Variants in SRP19 observed in about 807,000 individuals in gnomAD.
SRP19 encodes the protein signal recognition particle 19, also known as signal recognition particle 19 kDa protein.
In SRP19, 11 loss-of-function variants were observed where a neutral mutation model predicts 22.4. The observed-to-expected ratio is 0.49, with a 90% CI of 0.31 to 0.81. The LOEUF (loss-of-function observed/expected upper bound fraction) is 0.81. SRP19 is among the 40% of genes least tolerant of loss of function. The pLI is 0.05. For missense variants in SRP19, 168 were observed against 175.9 expected, an observed-to-expected ratio of 0.96 and a Z score of 0.25; for synonymous variants, 61 against 57.6, an observed-to-expected ratio of 1.06 and a Z score of -0.27.
downstream of SRP19, chr5:112,894,036 G>A (rs1326024779): frequency 6.6e-6 from 1 of 151,936 alleles, no homozygotes; most frequent in East Asian, 1.9e-4. Context: ...CATAGTGCCA[G>A]TTAATTACAG....
downstream of SRP19, among the ~76,000 whole-genome samples, chr5:112,874,204 A>G (rs1285401477): frequency 6.6e-6 from 1 of 151,790 alleles, no homozygotes; most frequent in African/African-American, 2.4e-5. Flanking sequence ...GTGGCAGGAT[A>G]TGGTGGCTCA....
downstream of SRP19, among the ~76,000 whole-genome samples, chr5:112,870,347 T>G (rs773393362): frequency 6.6e-6 from 1 of 152,094 alleles, no homozygotes; most frequent in Non-Finnish European, 1.5e-5. Context: ...CTGGGCATGG[T>G]GGCACATGCC....
chr5:112,876,559 A>ATAAC (rs1432539065), intron 4 of SRP19: 1 of 152,214 alleles, frequency 6.6e-6, no homozygotes, highest in Non-Finnish European at 1.5e-5. Flanking sequence ...AGGTAAGGGA[A>ATAAC]TAACTGCTGC....
chr5:112,877,312 A>T (rs959664439), intron 4 of SRP19: 1 of 152,136 alleles, frequency 6.6e-6, no homozygotes, highest in Non-Finnish European at 1.5e-5. Context: ...TATTTGCCTT[A>T]AAAAATACTG....
At chr5:112,891,659 T>C (rs750067915) in exon 5 of SRP19, 6 of 1,611,342 alleles carry the variant, frequency 3.7e-6, no homozygotes, top group South Asian at 1.1e-5. Flanking sequence ...CTTGAGAAGA[T>C]GACGTTTCCC....
chr5:112,891,491 T>A (rs991463126), intron 4 of SRP19: 5 of 1,061,146 alleles, frequency 4.7e-6, no homozygotes, highest in Non-Finnish European at 6.7e-6. Flanking sequence ...TGAAAGTAAT[T>A]TGTAATATAT....
intron 4 of SRP19, chr5:112,878,226 G>C (rs1335205582): frequency 6.5e-6 from 1 of 152,812 alleles, no homozygotes; most frequent in Non-Finnish European, 1.5e-5. Context: ...GGTTCCTCCA[G>C]CTTTTGGCAG....
intron 4 of SRP19, among the ~76,000 whole-genome samples, chr5:112,879,746 G>C (rs1327781175): frequency 6.6e-6 from 1 of 151,960 alleles, no homozygotes; most frequent in African/African-American, 2.4e-5. Flanking sequence ...AAAGTGCTGG[G>C]ATTACAGACG....
At chr5:112,861,483 C>T (rs1445650897) in intron 1 of SRP19, 66 bp downstream of exon 1, 2 of 1,534,634 alleles carry the variant, frequency 1.3e-6, no homozygotes, top group Admixed American at 3.8e-5. Flanking sequence ...GGTGCTACAC[C>T]GCGCTTCTCC....
At chr5:112,883,266 T>C (rs966865820) in intron 4 of SRP19, among the ~76,000 whole-genome samples, 1 of 152,230 alleles carries the variant, frequency 6.6e-6, no homozygotes, top group Non-Finnish European at 1.5e-5. Flanking sequence ...CTCAAATCCA[T>C]TGCAATCAGG....
At chr5:112,892,199 G>T in exon 5 of SRP19, 1 of 1,614,206 alleles carries the variant, frequency 6.2e-7, no homozygotes. Flanking sequence ...GGAGCTTGCA[G>T]ATTTGGAGAC....
At chr5:112,887,146 G>A (rs1176964852) in intron 4 of SRP19, 3 of 1,611,470 alleles carry the variant, frequency 1.9e-6, no homozygotes, top group Non-Finnish European at 2.5e-6. Flanking sequence ...AGCCCCATTA[G>A]AAGGGCTCGG....
chr5:112,886,113 C>G (rs1459771436), intron 4 of SRP19, among the ~76,000 whole-genome samples: 1 of 152,210 alleles, frequency 6.6e-6, no homozygotes, highest in Non-Finnish European at 1.5e-5. Flanking sequence ...AGGAGTGATC[C>G]AATACTGTTG....
chr5:112,890,181 C>G (rs1246869580), intron 4 of SRP19, among the ~76,000 whole-genome samples: 1 of 150,192 alleles, frequency 6.7e-6, no homozygotes, highest in East Asian at 2.0e-4. Context: ...TGTGGTCCTC[C>G]TGGGAGGTTG....
At chr5:112,877,444 T>C (rs922733816) in intron 4 of SRP19, 4 of 152,228 alleles carry the variant, frequency 2.6e-5, no homozygotes, top group Non-Finnish European at 2.9e-5. Context: ...CAAATTGCTC[T>C]CTATAACGAT....
At chr5:112,881,683 T>A (rs919423888) in intron 4 of SRP19, among the ~76,000 whole-genome samples, 1 of 152,206 alleles carries the variant, frequency 6.6e-6, no homozygotes, top group African/African-American at 2.4e-5. Flanking sequence ...TCCCTTTCCC[T>A]GTCATCCCTG....
chr5:112,861,335 G>GT lies in SRP19; in HGVS notation c.-39dup, dbSNP rs747406926. Reference sequence around the variant, plus strand: ...CGGGTTCCTCCCGGGTTTCTGCCGGGTTTCTCCCTGCGGCTCCTGGGTTGT... The same window carrying GT: ...CGGGTTCCTCCCGGGTTTCTGCCGGGTTTTCTCCCTGCGGCTCCTGGGTTGT... On this transcript the variant is annotated 5_prime_UTR_variant, in exon 1 of 5. Coordinates refer to ENST00000505459, the MANE Select transcript of SRP19 (RefSeq NM_003135.3). The GT allele has an allele frequency of 6.2e-7, 1 of 1,613,658 alleles. No individual in the cohort carries two copies. Among genetic ancestry groups the GT allele is most frequent in the Admixed American group, 1.7e-5 (1 of 60,030 alleles).
At chr5:112,897,209 T>C (rs564703235), downstream of SRP19, 1 of 152,176 alleles carries the variant, frequency 6.6e-6, no homozygotes, top group East Asian at 1.9e-4. Flanking sequence ...AATACATACA[T>C]ATATATATAC....
At chr5:112,861,523 A>T in intron 1 of SRP19, 106 bp downstream of exon 1, 1 of 1,256,860 alleles carries the variant, frequency 8.0e-7, no homozygotes, top group East Asian at 2.4e-5. Flanking sequence ...GGCCTAGCTG[A>T]TCCAACTCGC....
Sources: gnomAD v4.1 joint callset for allele counts (sites outside exome capture counted in the v4.1 genomes callset) on GRCh38, gnomAD v4.1.1 for gene constraint, MANE v1.5 for transcripts, NCBI Gene and HGNC (gene_info 2026-07-23, HGNC 2026-07-21) for gene names.